Variants in NRF1 observed in about 807,000 individuals in gnomAD.
NRF1 encodes alpha palindromic-binding protein.
In NRF1, 5 loss-of-function variants were observed where a neutral mutation model predicts 58.5. The observed-to-expected ratio is 0.09, with a 90% CI of 0.04 to 0.18. The LOEUF (loss-of-function observed/expected upper bound fraction) is 0.18, where lower values mean the gene tolerates loss of function less well. Among genes scored for constraint, NRF1 ranks in the 10% least tolerant of loss-of-function variants. The pLI is 1.00. For missense variants in NRF1, 288 were observed against 657.7 expected (o/e 0.44, Z 6.15); for synonymous variants, 224 against 246.7 (o/e 0.91, Z 0.86).
At chr7:129,687,052 TA>T (rs1390639007) in intron 4 of NRF1, among the ~76,000 whole-genome samples, 2 of 152,184 alleles carry the variant, frequency 1.3e-5, no homozygotes, top group East Asian at 3.8e-4. Flanking sequence ...TATACATATA[TA>T]AAAAGGAAAA....
chr7:129,744,285 G>T, intron 10 of NRF1: 1 of 1,477,502 alleles, frequency 6.8e-7, no homozygotes. Flanking sequence ...TCACTGTGAG[G>T]CTGTCATTCC....
At position 129,735,347 on chromosome 7, in the gene NRF1, T is replaced by C. The variant is rs1803682306; in HGVS notation, c.1348+7982T>C. On this transcript the variant is annotated intron_variant, in intron 10 of 10. Coordinates refer to ENST00000393232, the MANE Select transcript of NRF1 (RefSeq NM_005011.5). ...GAGTTCGAGACCAGCCTGGCCAATA[T>C]GGTGAAACCCTGTCTATACTAAAAA... 9 of 458,640 alleles carry C rather than the reference T, an allele frequency of 2.0e-5. No individual in the cohort carries two copies. The South Asian group carries it at 3.7e-4, about 19-fold the overall frequency. 28.4% of individuals were successfully genotyped at this position (458,640 alleles called of 1,614,324 possible).
At chr7:129,708,045 C>T (rs1176550141) in intron 5 of NRF1, among the ~76,000 whole-genome samples, 32 of 152,146 alleles carry the variant, frequency 2.1e-4, no homozygotes, top group Non-Finnish European at 2.9e-5. Context: ...TACAAATCCA[C>T]ACCCCCGAGT....
intron 1 of NRF1, among the ~76,000 whole-genome samples, chr7:129,634,040 A>AT (rs1562954880): frequency 0.012 from 1,048 of 89,528 alleles, 20 homozygotes; most frequent in African/African-American, 0.049. Context: ...AAAAAAAAAA[A>AT]AAGATATATA....
intron 4 of NRF1, among the ~76,000 whole-genome samples, chr7:129,682,514 A>G (rs573213979): frequency 3.0e-4 from 45 of 151,964 alleles, no homozygotes; most frequent in Non-Finnish European, 5.4e-4. Context: ...AGGATTTACT[A>G]TCCTTGCCAG....
intron 10 of NRF1, among the ~76,000 whole-genome samples, chr7:129,748,572 TGAGGG>T (rs1424325115): frequency 6.6e-6 from 1 of 152,180 alleles, no homozygotes; most frequent in Non-Finnish European, 1.5e-5. Flanking sequence ...GTGATTGTAA[TGAGGG>T]GATAGTGTAG....
At chr7:129,627,148 C>T (rs1243215730) in intron 1 of NRF1, among the ~76,000 whole-genome samples, 1 of 152,170 alleles carries the variant, frequency 6.6e-6, no homozygotes, top group Non-Finnish European at 1.5e-5. Context: ...GTGTTTGTGT[C>T]CTTCCCTTTT....
At chr7:129,662,383 AGTGTGTGTGTGTGTGTGTGTGT>A (rs3042950) in intron 2 of NRF1, among the ~76,000 whole-genome samples, 129 of 145,854 alleles carry the variant, frequency 8.8e-4, no homozygotes, top group African/African-American at 3.0e-3. Flanking sequence ...TAGAATTTCT[AGTGTGTGTGTGTGTGTGTGTGT>A]GTGTGTGTGT....
chr7:129,685,527 G>C (rs930626470), intron 4 of NRF1, among the ~76,000 whole-genome samples: 1 of 151,246 alleles, frequency 6.6e-6, no homozygotes, highest in Non-Finnish European at 1.5e-5. Context: ...ATTTCAGCCT[G>C]GGCAACATGT....
intron 4 of NRF1, among the ~76,000 whole-genome samples, chr7:129,689,672 T>G (rs890260350): frequency 1.3e-5 from 2 of 152,238 alleles, no homozygotes; most frequent in South Asian, 4.1e-4. Flanking sequence ...GACATGTAAC[T>G]GGCAGTAGTG....
chr7:129,614,820 C>G (rs1800627666), intron 1 of NRF1, among the ~76,000 whole-genome samples: 1 of 152,126 alleles, frequency 6.6e-6, no homozygotes, highest in South Asian at 2.1e-4. Flanking sequence ...ATGCACTTGT[C>G]TAATTTTGTT....
intron 1 of NRF1, among the ~76,000 whole-genome samples, chr7:129,618,043 G>T (rs1196640380): frequency 1.3e-5 from 2 of 152,152 alleles, no homozygotes; most frequent in East Asian, 3.8e-4. Flanking sequence ...ATCCACTATG[G>T]TTTTTAAAAA....
At chr7:129,657,621 T>A in intron 2 of NRF1, 47 bp downstream of exon 2, 1 of 1,399,626 alleles carries the variant, frequency 7.1e-7, no homozygotes, top group East Asian at 2.3e-5. Context: ...TTTTTTTTTT[T>A]TTTTTGGAGA....
chr7:129,655,813 C>A (rs114212322), intron 1 of NRF1, among the ~76,000 whole-genome samples: 1 of 152,210 alleles, frequency 6.6e-6, no homozygotes, highest in African/African-American at 2.4e-5. Context: ...TGAGCCACCT[C>A]GGCCAGCCTT....
intron 1 of NRF1, among the ~76,000 whole-genome samples, chr7:129,619,484 G>GTATATATATATA (rs1271593762): frequency 1.5e-5 from 1 of 68,498 alleles, no homozygotes; most frequent in Non-Finnish European, 2.5e-5. Context: ...GTGTGTGTGT[G>GTATATATATATA]TGTGTGTATA....
chr7:129,749,909 A>G (rs1343613317), intron 10 of NRF1, among the ~76,000 whole-genome samples: 1 of 152,114 alleles, frequency 6.6e-6, no homozygotes, highest in Non-Finnish European at 1.5e-5. Flanking sequence ...GTTAACTCCA[A>G]GGTTGTGTGT....
At chr7:129,663,130 AATGGAGTCTCCT>A (rs1801824442) in intron 2 of NRF1, among the ~76,000 whole-genome samples, 1 of 152,216 alleles carries the variant, frequency 6.6e-6, no homozygotes, top group Admixed American at 6.5e-5. Context: ...TACAGAACAA[AATGGAGTCTCCT>A]ATGTCTACTT....
chr7:129,649,734 T>TA (rs1562959519), intron 1 of NRF1, among the ~76,000 whole-genome samples: 1 of 152,152 alleles, frequency 6.6e-6, no homozygotes, highest in Non-Finnish European at 1.5e-5. Context: ...GTAGTTTATA[T>TA]TATAAAGAAG....
At chr7:129,721,365 G>T (rs560920309) in intron 9 of NRF1, among the ~76,000 whole-genome samples, 16 of 151,932 alleles carry the variant, frequency 1.1e-4, no homozygotes, top group African/African-American at 1.5e-4. Flanking sequence ...TCAGTGCTAT[G>T]GGGAAATATT....
Sources: gnomAD v4.1 joint callset for allele counts (sites outside exome capture counted in the v4.1 genomes callset) on GRCh38, gnomAD v4.1.1 for gene constraint, MANE v1.5 for transcripts, NCBI Gene and HGNC (gene_info 2026-07-23, HGNC 2026-07-21) for gene names.